Variants in DTL observed in about 807,000 individuals in gnomAD.
DTL encodes denticleless protein homolog.
Under a neutral mutation model 87.0 loss-of-function variants are expected in DTL, and 46 were observed. That is an observed-to-expected ratio of 0.53 (90% CI 0.42 to 0.68). The LOEUF (loss-of-function observed/expected upper bound fraction) is 0.68, where lower values mean the gene tolerates loss of function less well. Among genes scored for constraint, DTL ranks in the 30% least tolerant of loss-of-function variants. The pLI, the probability that DTL is intolerant of heterozygous loss-of-function variation, is 0.00. For missense variants in DTL, 737 were observed against 869.4 expected, an observed-to-expected ratio of 0.85 and a Z score of 1.91; for synonymous variants, 308 against 311.2, an observed-to-expected ratio of 0.99 and a Z score of 0.11.
At position 212,072,175 on chromosome 1, in the gene DTL, G is replaced by A. The variant is rs754445116; in HGVS notation, c.997G>A (p.Val333Ile). The A allele has an allele frequency of 5.0e-6, 8 of 1,614,032 alleles. No individual in the cohort carries two copies. In the South Asian group the frequency reaches 8.8e-5, roughly 18 times the overall value. ...CCTTAGTCCAGATGACCAGTTTTTAGTCAGTGGCTCAAGTGATGAAGCTGC... is the reference window on the plus strand; with the variant it reads ...CCTTAGTCCAGATGACCAGTTTTTAATCAGTGGCTCAAGTGATGAAGCTGC... ...SSLSPDDQFL[V>I]SGSSDEAAYI... Residue 333 changes from valine to isoleucine, a missense_variant, in exon 11 of 15, where the codon GTC becomes ATC. By Grantham distance (29) the Val-to-Ile change is conservative. Transcript: ENST00000366991.
At chr1:212,076,439 TTC>T (rs1416782973) in intron 11 of DTL, among the ~76,000 whole-genome samples, 13 of 152,206 alleles carry the variant, frequency 8.5e-5, no homozygotes, top group Non-Finnish European at 1.9e-4. Context: ...TGTGCATATA[TTC>T]TATTGGTGGG....
chr1:212,068,289 A>G lies in DTL; in HGVS notation c.779A>G (p.Lys260Arg). Residue 260 changes from lysine to arginine, a missense_variant, in exon 9 of 15, where the codon AAG (lysine) becomes AGG (arginine). Physicochemically the swap from Lys to Arg is conservative, Grantham distance 26 (BLOSUM62 2). Coordinates refer to ENST00000366991, the MANE Select transcript of DTL (RefSeq NM_016448.4). Reference sequence around the variant, plus strand: ...TATCGACAAGAACCCATAGCATCCAAGTCTTTCCTGTACCCAGGTAGCAGC... The same window carrying G: ...TATCGACAAGAACCCATAGCATCCAGGTCTTTCCTGTACCCAGGTAGCAGC... ...TAYRQEPIASKSFLYPGSSTR... is the reference protein window; with the variant it reads ...TAYRQEPIASRSFLYPGSSTR... 6.2e-7 allele frequency: 1 copy of G among 1,612,928 alleles called. No individual in the cohort carries two copies. Among genetic ancestry groups the G allele is most frequent in the Non-Finnish European group, 8.5e-7 (1 of 1,179,606 alleles).
intron 3 of DTL, among the ~76,000 whole-genome samples, chr1:212,045,822 T>G (rs1185118513): frequency 6.6e-6 from 1 of 152,232 alleles, no homozygotes; most frequent in Non-Finnish European, 1.5e-5. Context: ...AGATGAGGCT[T>G]GCAACCAAGA....
chr1:212,037,051 G>A (rs976622999), intron 1 of DTL, among the ~76,000 whole-genome samples: 2 of 152,108 alleles, frequency 1.3e-5, no homozygotes, highest in Admixed American at 1.3e-4. Context: ...TCTCTCCTGG[G>A]ACCTTGTTTG....
intron 8 of DTL, 65 bp downstream of exon 8, chr1:212,066,950 C>G (rs140558714): frequency 3.0e-6 from 4 of 1,313,076 alleles, no homozygotes; most frequent in Non-Finnish European, 4.4e-6. Context: ...GAGGCAGTCA[C>G]ATAGTCTCAT....
chr1:212,054,513 G>C (rs1325671084), intron 5 of DTL, among the ~76,000 whole-genome samples: 1 of 151,838 alleles, frequency 6.6e-6, no homozygotes, highest in East Asian at 1.9e-4. Flanking sequence ...AGGAAAGTGG[G>C]CCAGGCACGG....
At chr1:212,073,389 T>C (rs945697958) in intron 11 of DTL, among the ~76,000 whole-genome samples, 1 of 152,230 alleles carries the variant, frequency 6.6e-6, no homozygotes, top group African/African-American at 2.4e-5. Context: ...TTTAAAGTCA[T>C]AATGTCTAAA....
intron 11 of DTL, among the ~76,000 whole-genome samples, chr1:212,073,580 C>A (rs1654740054): frequency 6.6e-6 from 1 of 152,074 alleles, no homozygotes; most frequent in Non-Finnish European, 1.5e-5. Context: ...GAGGGAAGTA[C>A]AAAAGAAAAG....
At position 212,081,915 on chromosome 1, in the gene DTL, T is replaced by TA. The variant is rs200193732; in HGVS notation, c.1261+1165_1261+1166insA. Among the ~76,000 whole-genome samples, 823 of 152,280 alleles carry TA rather than the reference T, an allele frequency of 5.4e-3. 4 individuals carry two copies. Among genetic ancestry groups the TA allele is most frequent in the African/African-American group, 0.019 (780 of 41,552 alleles). On this transcript the variant is annotated intron_variant, in intron 13 of 14. Coordinates refer to ENST00000366991, the MANE Select transcript of DTL (RefSeq NM_016448.4). Reference sequence around the variant, plus strand: ...CAAATGGACATGTCAGGGAGGCATTTCGATGTTTAATTCTGCAGTTCAGGG... The same window carrying TA: ...CAAATGGACATGTCAGGGAGGCATTTACGATGTTTAATTCTGCAGTTCAGGG...
chr1:212,100,670 G>C lies in DTL; in HGVS notation c.1680G>C (p.Leu560=). ...AGAGGAGGCTAGACTCAAGCTGTCT[G>C]GAGAGTGTGAAACAAAAGTGTGTGA... is the stretch of plus-strand genomic sequence containing the variant. ...RVKRRLDSSC[L]ESVKQKCVKS... Residue 560 remains leucine, a synonymous_variant, in exon 14 of 15, where the codon CTG becomes CTC. Transcript: ENST00000366991. 6.2e-7 allele frequency: 1 copy of C among 1,614,118 alleles called. No individual in the cohort carries two copies. The highest frequency in any genetic ancestry group is 1.3e-5 in the African/African-American group (1 of 75,030).
chr1:212,096,287 G>A (rs112163312), intron 13 of DTL, among the ~76,000 whole-genome samples: 3,990 of 151,904 alleles, frequency 0.026, 60 homozygotes, highest in African/African-American at 0.047. Flanking sequence ...TCACTAATGG[G>A]CTATCAATTT....
intron 5 of DTL, among the ~76,000 whole-genome samples, chr1:212,061,618 C>G (rs139809997): frequency 2.4e-4 from 36 of 152,146 alleles, no homozygotes; most frequent in African/African-American, 8.4e-4. Context: ...GCACTATTCA[C>G]AATAGCCAAG....
intron 2 of DTL, among the ~76,000 whole-genome samples, chr1:212,044,082 G>A (rs3010022): frequency 0.046 from 6,992 of 152,146 alleles, 223 homozygotes; most frequent in African/African-American, 0.083. Context: ...TAGCGAGACT[G>A]TCTCTCAAAA....
At chr1:212,093,462 G>C (rs1655347105) in intron 13 of DTL, among the ~76,000 whole-genome samples, 2 of 152,238 alleles carry the variant, frequency 1.3e-5, no homozygotes, top group African/African-American at 4.8e-5. Context: ...GAGAATTTGA[G>C]TGCAAGGTTC....
chr1:212,099,271 C>G (rs1655540949), intron 13 of DTL, among the ~76,000 whole-genome samples: 1 of 152,024 alleles, frequency 6.6e-6, no homozygotes, highest in Non-Finnish European at 1.5e-5. Context: ...GTCTCGCTGT[C>G]AGGCAGGCTG....
chr1:212,080,394 G>A, intron 12 of DTL: 2 of 418,520 alleles, frequency 4.8e-6, no homozygotes, highest in Non-Finnish European at 4.3e-6. Context: ...CTAGTAGAAT[G>A]TATATGAAGA....
chr1:212,049,285 T>C (rs1051707690), intron 5 of DTL, among the ~76,000 whole-genome samples: 9 of 152,180 alleles, frequency 5.9e-5, no homozygotes, highest in Admixed American at 3.3e-4. Context: ...ACTGGAACCT[T>C]GAAGGGGAAA....
At chr1:212,054,750 G>A (rs112340330) in intron 5 of DTL, among the ~76,000 whole-genome samples, 5 of 145,194 alleles carry the variant, frequency 3.4e-5, no homozygotes, top group Non-Finnish European at 7.5e-5. Flanking sequence ...AGCCAAAATC[G>A]TGCCACTGCA....
Position 212,100,489 on chromosome 1 carries a change from C to T in DTL, c.1499C>T (p.Ser500Leu), listed in dbSNP as rs756315768. The change falls in exon 14 of 15, where the codon TCG becomes TTG. Residue 500 changes from serine (S) to leucine (L), a missense_variant. Coordinates refer to ENST00000366991, the MANE Select transcript of DTL (RefSeq NM_016448.4). ...AAGCCACCTTCATCTTTCAAGATGTCGATTAGAAACTGGGTGACCCGAACA... is the reference window on the plus strand; with the variant it reads ...AAGCCACCTTCATCTTTCAAGATGTTGATTAGAAACTGGGTGACCCGAACA... ...SPKPPSSFKM[S>L]IRNWVTRTPS... is the part of the protein sequence containing the mutation. 11 of 1,613,800 alleles carry T rather than the reference C, an allele frequency of 6.8e-6. No individual in the cohort carries two copies. Among genetic ancestry groups the T allele is most frequent in the Admixed American group, 1.7e-5 (1 of 59,980 alleles).
Sources: gnomAD v4.1 joint callset for allele counts (sites outside exome capture counted in the v4.1 genomes callset) on GRCh38, gnomAD v4.1.1 for gene constraint, MANE v1.5 for transcripts, NCBI Gene and HGNC (gene_info 2026-07-23, HGNC 2026-07-21) for gene names.